The following RASAL2 variants were observed in gnomAD, a reference collection of about 807,000 sequenced individuals.
The protein encoded by RASAL2 is RAS protein activator like 2.
In RASAL2, 58 loss-of-function variants were observed where a neutral mutation model predicts 128.9. That is an observed-to-expected ratio of 0.45 (90% CI 0.36 to 0.56). The LOEUF (loss-of-function observed/expected upper bound fraction) is 0.56, where lower values mean the gene tolerates loss of function less well. Among genes scored for constraint, RASAL2 ranks in the 20% least tolerant of loss-of-function variants. RASAL2 has a pLI of 0.00. For missense variants in RASAL2, 1,360 were observed against 1,601.6 expected (o/e 0.85, Z 2.57); for synonymous variants, 561 against 580.8 (o/e 0.97, Z 0.49).
intron 3 of RASAL2, among the ~76,000 whole-genome samples, chr1:178,327,147 T>C (rs192772271): frequency 1.5e-3 from 232 of 152,270 alleles, no homozygotes; most frequent in African/African-American, 5.4e-3. Flanking sequence ...AGTATGTGTG[T>C]ATATACAAAT....
intron 1 of RASAL2, among the ~76,000 whole-genome samples, chr1:178,209,991 C>T (rs1306244798): frequency 3.3e-5 from 5 of 151,692 alleles, no homozygotes; most frequent in South Asian, 2.1e-4. Flanking sequence ...TAAATAACAC[C>T]GCTTCTCCAT....
intron 5 of RASAL2, among the ~76,000 whole-genome samples, chr1:178,433,567 C>G (rs992694218): frequency 6.6e-6 from 1 of 151,930 alleles, no homozygotes. Context: ...TTTATTCAAC[C>G]AAACGAGAAA....
intron 2 of RASAL2, among the ~76,000 whole-genome samples, chr1:178,286,736 G>A (rs536111595): frequency 5.3e-5 from 8 of 152,190 alleles, no homozygotes; most frequent in South Asian, 2.1e-4. Flanking sequence ...AACCTTCCTC[G>A]TCGTTTTTTG....
intron 12 of RASAL2, among the ~76,000 whole-genome samples, chr1:178,456,311 C>G (rs1337562078): frequency 6.6e-6 from 1 of 152,118 alleles, no homozygotes; most frequent in East Asian, 1.9e-4. Flanking sequence ...ATCCTCTGAT[C>G]TTGAAGTTCT....
At chr1:178,296,059 GTGTGTGTATATGTA>G (rs1251219294) in intron 2 of RASAL2, among the ~76,000 whole-genome samples, 2 of 151,752 alleles carry the variant, frequency 1.3e-5, no homozygotes, top group African/African-American at 4.8e-5. Flanking sequence ...GTATATATAT[GTGTGTGTATATGTA>G]TGTGTATATA....
chr1:178,128,361 C>T (rs924631529), intron 1 of RASAL2, among the ~76,000 whole-genome samples: 1 of 152,002 alleles, frequency 6.6e-6, no homozygotes, highest in African/African-American at 2.4e-5. Context: ...TGTCTCAGTT[C>T]CCTGGTTTGT....
chr1:178,412,427 G>T (rs1240249158), intron 4 of RASAL2, among the ~76,000 whole-genome samples: 1 of 152,146 alleles, frequency 6.6e-6, no homozygotes, highest in Non-Finnish European at 1.5e-5. Flanking sequence ...AATGGAGAAT[G>T]AAAAAACTTC....
At chr1:178,211,167 T>C (rs1379394682) in intron 1 of RASAL2, among the ~76,000 whole-genome samples, 1 of 152,198 alleles carries the variant, frequency 6.6e-6, no homozygotes, top group Non-Finnish European at 1.5e-5. Context: ...CCTGATACCA[T>C]GCTCACTTCT....
chr1:178,123,301 A>G (rs1423311424), intron 1 of RASAL2: 1 of 152,232 alleles, frequency 6.6e-6, no homozygotes, highest in Non-Finnish European at 1.5e-5. Flanking sequence ...CTGAGAGAGA[A>G]CGAGGGTATC....
At chr1:178,226,199 T>A (rs903372795) in intron 1 of RASAL2, among the ~76,000 whole-genome samples, 1 of 152,198 alleles carries the variant, frequency 6.6e-6, no homozygotes, top group Non-Finnish European at 1.5e-5. Flanking sequence ...CATCTTAATA[T>A]GATCTCCTAG....
chr1:178,392,571 T>C (rs1165705099), intron 4 of RASAL2, among the ~76,000 whole-genome samples: 1 of 152,206 alleles, frequency 6.6e-6, no homozygotes, highest in African/African-American at 2.4e-5. Flanking sequence ...ACTCTAAAAC[T>C]GAACAAAGTG....
intron 5 of RASAL2, among the ~76,000 whole-genome samples, chr1:178,422,380 GTCTT>G (rs1259660856): frequency 6.6e-6 from 1 of 151,996 alleles, no homozygotes; most frequent in African/African-American, 2.4e-5. Flanking sequence ...CAATAGCAAA[GTCTT>G]TCTTTCTTAA....
At chr1:178,332,559 G>T (rs1669375430) in intron 3 of RASAL2, among the ~76,000 whole-genome samples, 1 of 151,358 alleles carries the variant, frequency 6.6e-6, no homozygotes, top group South Asian at 2.1e-4. Context: ...TTGCCAGTCA[G>T]ATGGAAACCA....
At chr1:178,145,483 T>C (rs1310949818) in intron 1 of RASAL2, among the ~76,000 whole-genome samples, 4 of 151,100 alleles carry the variant, frequency 2.6e-5, no homozygotes, top group Non-Finnish European at 2.9e-5. Context: ...GAGAGAGTTA[T>C]GTTTGAAAAG....
At chr1:178,239,267 G>A (rs1212121541) in intron 1 of RASAL2, among the ~76,000 whole-genome samples, 1 of 152,074 alleles carries the variant, frequency 6.6e-6, no homozygotes, top group Non-Finnish European at 1.5e-5. Flanking sequence ...AAAGCTATGT[G>A]TGTGGTTTGT....
chr1:178,253,377 G>A lies in RASAL2; in HGVS notation c.203-30187G>A, dbSNP rs112295998. Among the ~76,000 whole-genome samples, 559 of 152,166 alleles carry A rather than the reference G, an allele frequency of 3.7e-3. 2 individuals are homozygous for A. The highest frequency in any genetic ancestry group is 0.013 in the African/African-American group (520 of 41,508). The stretch of plus-strand genomic sequence containing the variant: ...AGGGTCACAATCGCAGATACCAAGG[G>A]CCATAACTTTAACATACTTTTGGGG... On this transcript the variant is annotated intron_variant, in intron 1 of 17. Coordinates refer to ENST00000367649, the MANE Select transcript of RASAL2 (RefSeq NM_170692.4).
intron 1 of RASAL2, among the ~76,000 whole-genome samples, chr1:178,095,617 A>G (rs970277136): frequency 1.3e-5 from 2 of 152,256 alleles, no homozygotes; most frequent in East Asian, 3.8e-4. Flanking sequence ...AGTCTTGTGC[A>G]TCTAAGCCTG....
intron 1 of RASAL2, among the ~76,000 whole-genome samples, chr1:178,095,392 G>A (rs577864418): frequency 6.6e-6 from 1 of 150,832 alleles, no homozygotes; most frequent in African/African-American, 2.4e-5. Context: ...TGAGCCTTGT[G>A]GCAGCACTAA....
At chr1:178,201,411 T>C (rs1313427188) in intron 1 of RASAL2, among the ~76,000 whole-genome samples, 2 of 152,192 alleles carry the variant, frequency 1.3e-5, no homozygotes, top group African/African-American at 2.4e-5. Context: ...AGTGGATTAG[T>C]CACTTTAGAC....
Sources: allele counts gnomAD v4.1 joint callset (sites outside exome capture counted in the v4.1 genomes callset), GRCh38; gene constraint gnomAD v4.1.1; transcripts MANE v1.5; gene names NCBI Gene and HGNC (gene_info 2026-07-23, HGNC 2026-07-21).